Variants in ABTB3 observed in about 807,000 individuals in gnomAD.
ABTB3 encodes the protein ankyrin repeat- and BTB/POZ domain-containing protein 3.
chr12:107,642,669 C>T, the ABTB3 span, among the ~76,000 whole-genome samples: 32,389 of 151,968 alleles, frequency 0.21, 4,002 homozygotes, highest in African/African-American at 0.33. Flanking sequence ...ACAGCATGTG[C>T]GAAGTCCCAA....
the ABTB3 span, among the ~76,000 whole-genome samples, chr12:107,652,557 C>A: frequency 6.6e-6 from 1 of 152,132 alleles, no homozygotes; most frequent in African/African-American, 2.4e-5. Flanking sequence ...TCAGGCAGAC[C>A]CAACACCTGG....
chr12:107,387,245 TG>T, the ABTB3 span, among the ~76,000 whole-genome samples: 5 of 152,232 alleles, frequency 3.3e-5, no homozygotes, highest in Admixed American at 3.3e-4. Flanking sequence ...CCCAAATTGC[TG>T]GGATTACAGG....
the ABTB3 span, among the ~76,000 whole-genome samples, chr12:107,602,279 A>G: frequency 1.9e-4 from 29 of 152,324 alleles, no homozygotes; most frequent in African/African-American, 7.0e-4. Flanking sequence ...CCCACTGGGT[A>G]AGGTCTACTG....
chr12:107,435,168 C>A, the ABTB3 span, among the ~76,000 whole-genome samples: 1 of 152,232 alleles, frequency 6.6e-6, no homozygotes, highest in African/African-American at 2.4e-5. Context: ...CCTCTGAGTT[C>A]TCCTCCAATT....
chr12:107,583,184 C>T, the ABTB3 span, among the ~76,000 whole-genome samples: 10 of 152,126 alleles, frequency 6.6e-5, no homozygotes, highest in Non-Finnish European at 1.2e-4. Flanking sequence ...GGATAATGAA[C>T]GTGCAGTATC....
the ABTB3 span, among the ~76,000 whole-genome samples, chr12:107,509,743 A>G: frequency 0.026 from 3,919 of 152,326 alleles, 91 homozygotes; most frequent in Non-Finnish European, 0.041. Context: ...TCAACAAACC[A>G]AGCCTGAATC....
the ABTB3 span, among the ~76,000 whole-genome samples, chr12:107,643,292 TACTC>T: frequency 1.3e-5 from 2 of 150,424 alleles, no homozygotes; most frequent in Admixed American, 1.3e-4. Flanking sequence ...TACTCCCAGT[TACTC>T]AGGAGGCTGA....
chr12:107,384,486 C>T, the ABTB3 span, among the ~76,000 whole-genome samples: 2 of 152,124 alleles, frequency 1.3e-5, no homozygotes, highest in African/African-American at 4.8e-5. Context: ...TGGCAGGTGT[C>T]GTAGGTTGAG....
At chr12:107,497,300 C>T in the ABTB3 span, among the ~76,000 whole-genome samples, 41 of 150,990 alleles carry the variant, frequency 2.7e-4, 1 homozygote, top group South Asian at 8.4e-3. Flanking sequence ...ACCACCATCA[C>T]TATCACCACC....
chr12:107,642,053 TGA>T, the ABTB3 span: 19 of 1,585,768 alleles, frequency 1.2e-5, no homozygotes, highest in Non-Finnish European at 1.6e-5. Flanking sequence ...GATTTGTGTG[TGA>T]GTCTTTTTTA....
At chr12:107,507,401 G>A in the ABTB3 span, among the ~76,000 whole-genome samples, 1 of 152,144 alleles carries the variant, frequency 6.6e-6, no homozygotes, top group Non-Finnish European at 1.5e-5. Flanking sequence ...GCACTGGTCT[G>A]GGTTTGCTGG....
chr12:107,622,873 C>T, the ABTB3 span, among the ~76,000 whole-genome samples: 15 of 152,312 alleles, frequency 9.8e-5, no homozygotes, highest in African/African-American at 3.1e-4. Flanking sequence ...GAGGCATATT[C>T]GTCCCACCAT....
chr12:107,508,438 CTTTTTTTTTTTT>C, the ABTB3 span, among the ~76,000 whole-genome samples: 39 of 69,164 alleles, frequency 5.6e-4, 1 homozygote, highest in East Asian at 2.1e-3. Context: ...AAGATCATTT[CTTTTTTTTTTTT>C]TTTTTTTTTT....
chr12:107,541,245 G>A, the ABTB3 span, among the ~76,000 whole-genome samples: 1,942 of 152,312 alleles, frequency 0.013, 42 homozygotes, highest in African/African-American at 0.042. Flanking sequence ...TCACTTACTC[G>A]AATTTGGATG....
chr12:107,626,847 C>A, the ABTB3 span, among the ~76,000 whole-genome samples: 11 of 152,058 alleles, frequency 7.2e-5, no homozygotes, highest in Non-Finnish European at 1.5e-4. Flanking sequence ...TGACAACTAC[C>A]AAATAGACAT....
At chr12:107,337,682 C>T in the ABTB3 span, among the ~76,000 whole-genome samples, 2 of 152,196 alleles carry the variant, frequency 1.3e-5, no homozygotes, top group Non-Finnish European at 2.9e-5. Flanking sequence ...CCAGACCCTC[C>T]CATTAACTGT....
At chr12:107,550,153 G>A in the ABTB3 span, among the ~76,000 whole-genome samples, 2 of 152,084 alleles carry the variant, frequency 1.3e-5, no homozygotes, top group Non-Finnish European at 2.9e-5. Context: ...AAGCCAGAGG[G>A]CCAGGCTTTG....
At chr12:107,383,055 T>A in the ABTB3 span, among the ~76,000 whole-genome samples, 1 of 152,144 alleles carries the variant, frequency 6.6e-6, no homozygotes, top group Non-Finnish European at 1.5e-5. Flanking sequence ...CTTCATTGCT[T>A]CTAGTTCCCT....
the ABTB3 span, among the ~76,000 whole-genome samples, chr12:107,560,802 C>T: frequency 6.6e-6 from 1 of 152,186 alleles, no homozygotes; most frequent in Non-Finnish European, 1.5e-5. Flanking sequence ...AAGTTCATTG[C>T]ACGTGCACTT....
Sources: allele counts gnomAD v4.1 joint callset (sites outside exome capture counted in the v4.1 genomes callset), GRCh38; gene constraint gnomAD v4.1.1; transcripts MANE v1.5; gene names NCBI Gene and HGNC (gene_info 2026-07-23, HGNC 2026-07-21).